RIPOR3: variants seen among roughly 807,000 people sequenced by gnomAD.
RIPOR3 encodes the protein RIPOR family member 3.
Under a neutral mutation model 114.3 loss-of-function variants are expected in RIPOR3, and 95 were observed. The observed-to-expected ratio is 0.83, with a 90% CI of 0.70 to 0.99. The LOEUF (loss-of-function observed/expected upper bound fraction) is 0.99, where lower values mean the gene tolerates loss of function less well. Among genes scored for constraint, RIPOR3 ranks in the 50% least tolerant of loss-of-function variants. The probability of loss-of-function intolerance (pLI) is 0.00; values close to 1 mark genes in which losing one functional copy is unlikely to be tolerated. For missense variants in RIPOR3, 1,252 were observed against 1,266.9 expected, an observed-to-expected ratio of 0.99 and a Z score of 0.18; for synonymous variants, 575 against 543.8, an observed-to-expected ratio of 1.06 and a Z score of -0.80.
chr20:50,601,332 G>A (rs1231037958), intron 13 of RIPOR3, among the ~76,000 whole-genome samples: 2 of 152,220 alleles, frequency 1.3e-5, no homozygotes, highest in Non-Finnish European at 2.9e-5. Flanking sequence ...TACTCGGGAC[G>A]CTGAGGCAGG....
At chr20:50,587,420 G>A in intron 21 of RIPOR3, 88 bp from the exon 22 acceptor site, 2 of 1,116,988 alleles carry the variant, frequency 1.8e-6, no homozygotes, top group Non-Finnish European at 1.3e-6. Flanking sequence ...AGTGCTTAGT[G>A]ACTGTGGGTC....
At chr20:50,627,994 G>A (rs937918988) in intron 2 of RIPOR3, among the ~76,000 whole-genome samples, 12 of 152,346 alleles carry the variant, frequency 7.9e-5, no homozygotes, top group Admixed American at 6.5e-4. Flanking sequence ...ACCTGGGCCG[G>A]ATGGCCCCCT....
intron 1 of RIPOR3, chr20:50,654,049 T>G (rs1030426930): frequency 2.6e-5 from 4 of 152,188 alleles, no homozygotes; most frequent in African/African-American, 9.7e-5. Context: ...TGCTTTATTT[T>G]TCTCTTTAGC....
intron 1 of RIPOR3, among the ~76,000 whole-genome samples, chr20:50,677,948 G>A (rs1008210001): frequency 2.6e-5 from 4 of 152,036 alleles, no homozygotes; most frequent in Non-Finnish European, 4.4e-5. Flanking sequence ...GGGATTATAG[G>A]CATGAGCCAC....
At chr20:50,671,982 GTGGATGGATGGATGGA>G (rs71190589) in intron 1 of RIPOR3, among the ~76,000 whole-genome samples, 17 of 137,176 alleles carry the variant, frequency 1.2e-4, no homozygotes, top group Admixed American at 6.0e-4. Context: ...GGATGGGTGC[GTGGATGGATGGATGGA>G]TGGATGGATG....
In RIPOR3 at chr20:50,595,420, G is replaced by A. The variant is rs777339500; in HGVS notation, c.1999C>T (p.Leu667Phe). ...VAQQKHVLET[L>F]SVLDFEKVGK... ...ACCTTCTCAAAGTCAAGGACAGAAAGTGTCTCCAGAACGTGCTTTTGCTGT... is the reference window on the plus strand; with the variant it reads ...ACCTTCTCAAAGTCAAGGACAGAAAATGTCTCCAGAACGTGCTTTTGCTGT... Residue 667 changes from leucine (L) to phenylalanine (F), a missense_variant, in exon 16 of 22, where the codon CTT becomes TTT. Transcript: ENST00000327979. 9.3e-6 allele frequency: 15 copies of A among 1,614,074 alleles called. No homozygotes were observed. Among genetic ancestry groups the A allele is most frequent in the Admixed American group, 1.7e-5 (1 of 60,006 alleles).
At chr20:50,601,953 A>T in intron 13 of RIPOR3, 119 bp downstream of exon 13, 1 of 979,762 alleles carries the variant, frequency 1.0e-6, no homozygotes, top group Non-Finnish European at 1.4e-6. Flanking sequence ...CGGCCCACCC[A>T]GGTCACGCAG....
chr20:50,602,371 C>CT lies in RIPOR3; in HGVS notation c.1359dup (p.Gly454ArgfsTer44), dbSNP rs1374229491. 5 of 1,613,384 alleles carry CT rather than the reference C, an allele frequency of 3.1e-6. No individual in the cohort carries two copies. The highest frequency in any genetic ancestry group is 4.2e-6 in the Non-Finnish European group (5 of 1,179,930). ...AGGTGGGCCATCTCTGGCAGGAGAC[C>CT]TGGGGGCAGGGGGTCCTCCCGAGCC... is the stretch of plus-strand genomic sequence containing the variant. On this transcript the variant is annotated frameshift_variant, in exon 13 of 22. Transcript: ENST00000327979. LOFTEE classifies it high-confidence loss of function. The surrounding 1 kb of genome is among the most constrained non-coding windows in gnomAD (Gnocchi z 4.3).
intron 1 of RIPOR3, among the ~76,000 whole-genome samples, chr20:50,665,283 CAAA>C (rs546774316): frequency 1.5e-5 from 2 of 134,562 alleles, no homozygotes. Context: ...CTAAAAATAC[CAAA>C]AAAAAAAAAA....
At position 50,678,781 on chromosome 20, in the gene RIPOR3, A is replaced by G. The variant is rs867314383; in HGVS notation, c.3+12345T>C. Among the ~76,000 whole-genome samples the G allele has an allele frequency of 3.9e-5, 6 of 152,210 alleles. No individual in the cohort carries two copies. In the Middle Eastern group the frequency reaches 0.01, roughly 259 times the overall value. ...GCTCCTTGCAAGTGCTTTGCATGTT[A>G]TTAACTCATTCAATCCTTACATCAC... is the stretch of plus-strand genomic sequence containing the variant. On this transcript the variant is annotated intron_variant, in intron 1 of 21. Coordinates refer to ENST00000327979, the MANE Select transcript of RIPOR3 (RefSeq NM_001290268.2).
intron 1 of RIPOR3, among the ~76,000 whole-genome samples, chr20:50,667,467 T>C (rs1452971144): frequency 2.0e-5 from 3 of 152,090 alleles, no homozygotes; most frequent in African/African-American, 7.2e-5. Flanking sequence ...CTAATTTTTG[T>C]ATTTTCAGTA....
chr20:50,653,974 G>A (rs910881438), intron 1 of RIPOR3: 2 of 151,862 alleles, frequency 1.3e-5, no homozygotes, highest in Admixed American at 1.3e-4. Context: ...CCTCTCATGA[G>A]ACCTTTCCTG....
At chr20:50,609,932 T>TCTGCCTCACCTGCCTCACCTGCCACCC (rs1568854139) in intron 6 of RIPOR3, among the ~76,000 whole-genome samples, 1 of 148,072 alleles carries the variant, frequency 6.8e-6, no homozygotes, top group Non-Finnish European at 1.5e-5. Flanking sequence ...AGGGACCACA[T>TCTGCCTCACCTGCCTCACCTGCCACCC]CTGCCTCACC....
chr20:50,691,165 C>T lies in RIPOR3; in HGVS notation c.-37G>A. The T allele has an allele frequency of 7.8e-7, 1 of 1,289,446 alleles. No homozygotes were observed. Among genetic ancestry groups the T allele is most frequent in the Non-Finnish European group, 1.0e-6 (1 of 988,856 alleles). The allele number at this position is 1,289,446 out of a possible 1,614,324, so 79.9% of individuals were successfully genotyped here. On this transcript the variant is annotated 5_prime_UTR_variant, in exon 1 of 22. Coordinates refer to ENST00000327979, the MANE Select transcript of RIPOR3 (RefSeq NM_001290268.2). ...GGACACTCGAGTGCAGTCCCGCCGC[C>T]CTCCTTGCAGCTGCCTCACTTTCCC...
chr20:50,686,769 A>G (rs1457805999), intron 1 of RIPOR3, among the ~76,000 whole-genome samples: 1 of 151,810 alleles, frequency 6.6e-6, no homozygotes, highest in Non-Finnish European at 1.5e-5. Context: ...AAAAGAAAGA[A>G]AGAAAAAAAA....
chr20:50,623,068 A>G (rs1416341267), intron 2 of RIPOR3, among the ~76,000 whole-genome samples: 1 of 152,050 alleles, frequency 6.6e-6, no homozygotes, highest in Non-Finnish European at 1.5e-5. Context: ...GTTCAAGACC[A>G]GCCTGACCAA....
intron 5 of RIPOR3, 134 bp downstream of exon 5, chr20:50,611,047 T>C: frequency 2.6e-6 from 4 of 1,536,806 alleles, no homozygotes; most frequent in Non-Finnish European, 3.6e-6. Context: ...TCGCAGAGAC[T>C]CAGCCTTCCC....
intron 1 of RIPOR3, among the ~76,000 whole-genome samples, chr20:50,686,141 C>T (rs2087013859): frequency 6.6e-6 from 1 of 151,936 alleles, no homozygotes; most frequent in East Asian, 2.0e-4. Flanking sequence ...ACTGCAAGCT[C>T]CGCCTCCCGG....
intron 1 of RIPOR3, among the ~76,000 whole-genome samples, chr20:50,639,872 T>C (rs231569): frequency 0.15 from 22,178 of 151,440 alleles, 2,582 homozygotes; most frequent in African/African-American, 0.33. Context: ...CAGCATGTAA[T>C]GCTTTGCTGT....
Sources: gnomAD v4.1 joint callset for allele counts (sites outside exome capture counted in the v4.1 genomes callset) on GRCh38, gnomAD v4.1.1 for gene constraint, Gnocchi (gnomAD v3.1) non-coding constraint, MANE v1.5 for transcripts, NCBI Gene and HGNC (gene_info 2026-07-23, HGNC 2026-07-21) for gene names.